Variants in C3orf52 observed in about 807,000 individuals in gnomAD.
C3orf52 encodes the protein TPA-induced transmembrane protein.
C3orf52 carries 22 observed loss-of-function variants against 24.8 expected under a neutral mutation model. The ratio of observed to expected loss-of-function variants is 0.89; its 90% CI spans 0.63 to 1.27. C3orf52 has a LOEUF of 1.27. Among genes scored for constraint, C3orf52 ranks in the 50% most tolerant of loss-of-function variants. The pLI, the probability that C3orf52 is intolerant of heterozygous loss-of-function variation, is 0.00. For synonymous variants in C3orf52, 93 were observed against 100.2 expected, an observed-to-expected ratio of 0.93 and a Z score of 0.43; for missense variants, 265 against 260.7, an observed-to-expected ratio of 1.02 and a Z score of -0.11.
In C3orf52 at chr3:112,113,160, T is replaced by A; in HGVS notation, c.649+15T>A. 1 of 1,573,254 alleles carries A rather than the reference T, an allele frequency of 6.4e-7. No homozygotes were observed. Among genetic ancestry groups the A allele is most frequent in the Non-Finnish European group, 8.6e-7 (1 of 1,160,540 alleles). On this transcript the variant is annotated intron_variant, in intron 5 of 5. Coordinates refer to ENST00000264848, the MANE Select transcript of C3orf52 (RefSeq NM_024616.3). ...CTTGCTCTATGGTAAGTAGAGCAAG[T>A]AAAGAAGTCAGAGTTGTGACAATAA...
chr3:112,111,611 A>G (rs1257031774), intron 4 of C3orf52: 2 of 152,160 alleles, frequency 1.3e-5, no homozygotes, highest in Non-Finnish European at 2.9e-5. Context: ...TGATTTTCCC[A>G]TTCAGCTTCT....
chr3:112,124,660 TG>T (rs1218645066), intron 4 of C3orf52, among the ~76,000 whole-genome samples: 1 of 152,190 alleles, frequency 6.6e-6, no homozygotes, highest in Non-Finnish European at 1.5e-5. Context: ...TAATGTGTTT[TG>T]GCTGTGATAT....
At position 112,123,715 on chromosome 3, in the gene C3orf52, C is replaced by T. The variant is rs570762149; in HGVS notation, c.*46+4153C>T. 10 of 1,614,058 alleles carry T rather than the reference C, an allele frequency of 6.2e-6. No homozygotes were observed. The South Asian group carries it at 9.9e-5, about 16-fold the overall frequency. The stretch of plus-strand genomic sequence containing the variant: ...TTCCCTGATGGCCTTGTACAGAGAA[C>T]CCGATGATTGATGAGGGTATAGCAC... On this transcript the variant is annotated intron_variant, in intron 4 of 4. Transcript: ENST00000480282.
chr3:112,090,049 A>G (rs1172567414), intron 1 of C3orf52, among the ~76,000 whole-genome samples: 2 of 152,198 alleles, frequency 1.3e-5, no homozygotes, highest in Non-Finnish European at 2.9e-5. Flanking sequence ...TTTGGGCAAG[A>G]GAGATGAAGC....
At position 112,086,488 on chromosome 3, in the gene C3orf52, T is replaced by C; in HGVS notation, c.81T>C (p.Pro27=). ...AGCGGCAGCCAGAAGAGAACACGCCTCTCAATGGTGCCGACAAGGTCTTCC... is the reference window on the plus strand; with the variant it reads ...AGCGGCAGCCAGAAGAGAACACGCCCCTCAATGGTGCCGACAAGGTCTTCC... ...VLERQPEENT[P]LNGADKVFPS... Residue 27 remains proline, a synonymous_variant, in exon 1 of 6, where the codon CCT becomes CCC. Transcript: ENST00000264848. The C allele has an allele frequency of 1.9e-6, 3 of 1,551,416 alleles. No individual in the cohort carries two copies. Among genetic ancestry groups the C allele is most frequent in the Non-Finnish European group, 2.6e-6 (3 of 1,146,850 alleles).
rs1437169872 is a variant in C3orf52, at chr3:112,109,905, C to T, written c.467+292C>T. 1.3e-5 allele frequency: 4 copies of T among 299,958 alleles called. No individual in the cohort carries two copies. In the East Asian group the frequency reaches 2.0e-4, roughly 15 times the overall value. 18.6% of individuals were successfully genotyped at this position (299,958 alleles called of 1,614,324 possible). ...AACCATTTCTGTTTAACAATGAATG[C>T]TCAAATAAGCTAAGGGTAGAAGTAG... On this transcript the variant is annotated intron_variant, in intron 4 of 5. Transcript: ENST00000264848.
intron 1 of C3orf52, among the ~76,000 whole-genome samples, chr3:112,087,553 T>A (rs1451280747): frequency 6.6e-6 from 1 of 152,228 alleles, no homozygotes; most frequent in Non-Finnish European, 1.5e-5. Context: ...ATTTTAGGGA[T>A]AAGCAGGAAA....
intron 2 of C3orf52, among the ~76,000 whole-genome samples, chr3:112,095,298 A>G (rs2073915352): frequency 2.0e-5 from 3 of 152,200 alleles, no homozygotes; most frequent in Admixed American, 2.0e-4. Context: ...ATTCCAACAC[A>G]TGGATGTTGA....
downstream of C3orf52, chr3:112,130,021 A>G (rs1017005206): frequency 3.5e-5 from 6 of 169,408 alleles, no homozygotes; most frequent in African/African-American, 7.1e-5. Context: ...GGCAATCACA[A>G]TGGTGTCTCC....
intron 5 of C3orf52, among the ~76,000 whole-genome samples, chr3:112,116,118 A>G (rs1025972277): frequency 6.6e-6 from 1 of 152,200 alleles, no homozygotes; most frequent in Non-Finnish European, 1.5e-5. Flanking sequence ...AAAAAGCCCC[A>G]GGTAGGGAGA....
rs541098862 is a variant in C3orf52 at position 112,093,195 on chromosome 3, C to G, written c.139-165C>G. On this transcript the variant is annotated intron_variant, in intron 1 of 5. Transcript: ENST00000264848. The stretch of plus-strand genomic sequence containing the variant: ...TTCTTGCTAACTTCTTGATGAGGTT[C>G]TGTTCTGCCTCTGATCTCTCTTTTT... 1.1e-4 allele frequency among the ~76,000 whole-genome samples: 17 copies of G among 152,342 alleles called. 1 individual carries two copies. The highest frequency in any genetic ancestry group is 6.5e-4 in the Admixed American group (10 of 15,296).
intron 4 of C3orf52, chr3:112,123,331 G>T: frequency 6.7e-7 from 1 of 1,492,502 alleles, no homozygotes; most frequent in East Asian, 2.3e-5. Context: ...ACCATGCTCT[G>T]CAGGGAAAGG....
chr3:112,110,985 C>G (rs2074075329), intron 4 of C3orf52, among the ~76,000 whole-genome samples: 1 of 152,166 alleles, frequency 6.6e-6, no homozygotes, highest in South Asian at 2.1e-4. Context: ...CTGAGGTAGG[C>G]AGATCATGAG....
intron 2 of C3orf52, among the ~76,000 whole-genome samples, chr3:112,095,406 A>G (rs2073916039): frequency 6.6e-6 from 1 of 152,156 alleles, no homozygotes; most frequent in Non-Finnish European, 1.5e-5. Context: ...GGCCTATCAT[A>G]AAGGATGATT....
chr3:112,089,479 A>G (rs2073858872), intron 1 of C3orf52, among the ~76,000 whole-genome samples: 1 of 148,900 alleles, frequency 6.7e-6, no homozygotes, highest in Admixed American at 6.8e-5. Context: ...TGGTGAGCCC[A>G]GATCACGCCA....
downstream of C3orf52, among the ~76,000 whole-genome samples, chr3:112,132,235 G>A (rs973211993): frequency 1.3e-5 from 2 of 152,024 alleles, no homozygotes; most frequent in East Asian, 3.9e-4. Context: ...TCCTCTTTTC[G>A]GCAAGTGGTC....
At chr3:112,093,279 G>T in intron 1 of C3orf52, 81 bp from the exon 2 acceptor site, 1 of 1,476,470 alleles carries the variant, frequency 6.8e-7, no homozygotes, top group South Asian at 1.3e-5. Context: ...CTTCATTTCT[G>T]TGTCTCTGGC....
At chr3:112,114,381 G>A (rs962024010) in intron 5 of C3orf52, among the ~76,000 whole-genome samples, 2 of 147,892 alleles carry the variant, frequency 1.4e-5, no homozygotes, top group African/African-American at 2.5e-5. Context: ...GGAGTGAAGA[G>A]ATTGTGCCCC....
At chr3:112,091,255 A>G (rs955688533) in intron 1 of C3orf52, among the ~76,000 whole-genome samples, 3 of 152,348 alleles carry the variant, frequency 2.0e-5, no homozygotes, top group African/African-American at 7.2e-5. Context: ...TGTAGAAGGC[A>G]CAGGTGTGGA....
Sources: gnomAD v4.1 joint callset for allele counts (sites outside exome capture counted in the v4.1 genomes callset) on GRCh38, gnomAD v4.1.1 for gene constraint, MANE v1.5 for transcripts, NCBI Gene and HGNC (gene_info 2026-07-23, HGNC 2026-07-21) for gene names.